The following TMEM183A variants were observed in gnomAD, a reference collection of about 807,000 sequenced individuals.
The protein encoded by TMEM183A is chromosome 1 open reading frame 37.
In TMEM183A, 21 loss-of-function variants were observed where a neutral mutation model predicts 46.7. The ratio of observed to expected loss-of-function variants is 0.45; its 90% CI spans 0.32 to 0.65. The LOEUF (loss-of-function observed/expected upper bound fraction) is 0.65, where lower values mean the gene tolerates loss of function less well. TMEM183A is among the 30% of genes least tolerant of loss of function. The pLI is 0.04. For synonymous variants in TMEM183A, 165 were observed against 180.2 expected (o/e 0.92, Z 0.68); for missense variants, 331 against 481.9 (o/e 0.69, Z 2.93).
At chr1:203,018,428 T>C in intron 5 of TMEM183A, 53 bp from the exon 6 acceptor site, 1 of 1,572,736 alleles carries the variant, frequency 6.4e-7, no homozygotes, top group Non-Finnish European at 8.6e-7. Context: ...TAGTGTATTT[T>C]GATTTTTTTC....
intron 5 of TMEM183A, chr1:203,017,667 C>A: frequency 1.1e-6 from 1 of 910,572 alleles, no homozygotes; most frequent in Non-Finnish European, 1.3e-6. Context: ...GCGTGGCATT[C>A]AGGGAGTTGC....
chr1:203,015,638 G>T, intron 4 of TMEM183A: 1 of 261,328 alleles, frequency 3.8e-6, no homozygotes, highest in South Asian at 6.3e-5. Flanking sequence ...GGAGAACCTG[G>T]TGGCTCTTCG....
chr1:203,020,816 T>A lies in TMEM183A; in HGVS notation c.813T>A (p.Cys271Ter). ...KKQSPRLKSK[C>*]TGGLQPPVQY... Reference sequence around the variant, plus strand: ...AGTCCCCTAGGTTAAAGAGCAAGTGTACAGGAGGATTGCAGCCTCCCGTTC... The same window carrying A: ...AGTCCCCTAGGTTAAAGAGCAAGTGAACAGGAGGATTGCAGCCTCCCGTTC... Residue 271 changes from cysteine to a stop codon, truncating the protein, a stop_gained, in exon 7 of 8, where the codon TGT becomes TGA. Coordinates refer to ENST00000367242, the MANE Select transcript of TMEM183A (RefSeq NM_138391.6). LOFTEE classifies it high-confidence loss of function. 1 of 1,614,010 alleles carries A rather than the reference T, an allele frequency of 6.2e-7. No individual in the cohort carries two copies. Among genetic ancestry groups the A allele is most frequent in the Non-Finnish European group, 8.5e-7 (1 of 1,179,932 alleles).
intron 4 of TMEM183A, chr1:203,015,702 A>G (rs1218267919): frequency 8.4e-6 from 4 of 473,624 alleles, no homozygotes; most frequent in African/African-American, 2.0e-5. Context: ...AGCATAATAT[A>G]CCGATACCAA....
Position 203,024,134 on chromosome 1 carries a change from A to T in TMEM183A, c.*1094A>T, listed in dbSNP as rs1215943265. On this transcript the variant is annotated 3_prime_UTR_variant, in exon 8 of 8. Coordinates refer to ENST00000367242, the MANE Select transcript of TMEM183A (RefSeq NM_138391.6). ...ATTAACAAAATGCATTGCATGTTGA[A>T]ACCAGCCTCTTGAACCATAAGCACT... is the stretch of plus-strand genomic sequence containing the variant. 6.6e-6 allele frequency: 1 copy of T among 152,230 alleles called. No homozygotes were observed. The highest frequency in any genetic ancestry group is 1.5e-5 in the Non-Finnish European group (1 of 68,050). The allele number at this position is 152,230 out of a possible 1,614,324, so 9.4% of individuals were successfully genotyped here.
chr1:203,013,443 C>T lies in TMEM183A; in HGVS notation c.368-1446C>T, dbSNP rs1180072216. 6.6e-6 allele frequency among the ~76,000 whole-genome samples: 1 copy of T among 151,700 alleles called. No homozygotes were observed. Among genetic ancestry groups the T allele is most frequent in the Non-Finnish European group, 1.5e-5 (1 of 67,974 alleles). ...TGAGAAGTATAGTGGACATCAAGGT[C>T]AAGAGAATTAATGCTAATGAGTTCT... On this transcript the variant is annotated intron_variant, in intron 3 of 7. Coordinates refer to ENST00000367242, the MANE Select transcript of TMEM183A (RefSeq NM_138391.6). The surrounding 1 kb of genome is among the most constrained non-coding windows in gnomAD (Gnocchi z 4.0).
In TMEM183A at chr1:203,020,670, A is replaced by T. The variant is rs912700983; in HGVS notation, c.790-123A>T. 7 of 1,230,894 alleles carry T rather than the reference A, an allele frequency of 5.7e-6. No individual in the cohort carries two copies. In the African/African-American group the frequency reaches 1.1e-4, roughly 19 times the overall value. 76.2% of individuals were successfully genotyped at this position (1,230,894 alleles called of 1,614,324 possible). On this transcript the variant is annotated intron_variant, in intron 6 of 7. Coordinates refer to ENST00000367242, the MANE Select transcript of TMEM183A (RefSeq NM_138391.6). The stretch of plus-strand genomic sequence containing the variant: ...TTGATCTCTGTATAGAAACATGTAT[A>T]AAGAGAGAAGATAAAAGTGTATCTC...
chr1:203,007,778 C>G lies in TMEM183A; in HGVS notation c.114C>G (p.Thr38=), dbSNP rs751971162. The G allele has an allele frequency of 6.2e-7, 1 of 1,613,948 alleles. No homozygotes were observed. The highest frequency in any genetic ancestry group is 2.2e-5 in the East Asian group (1 of 44,884). ...RAHDACSGRV[T]VADYANSDPA... is the part of the protein sequence containing the mutation. ...AGGGTTGGTGCTGTGTTGCAGTGAC[C>G]GTGGCGGATTACGCCAACTCGGATC... The change falls in exon 2 of 8, where the codon ACC becomes ACG. Residue 38 remains threonine, a synonymous_variant. Coordinates refer to ENST00000367242, the MANE Select transcript of TMEM183A (RefSeq NM_138391.6).
At chr1:203,010,459 T>G (rs1656460311) in intron 3 of TMEM183A, among the ~76,000 whole-genome samples, 1 of 152,134 alleles carries the variant, frequency 6.6e-6, no homozygotes, top group Non-Finnish European at 1.5e-5. Flanking sequence ...GGATTTCTGA[T>G]TTTCGATTAG....
In TMEM183A at chr1:203,007,754, G is replaced by C; in HGVS notation, c.110-20G>C. On this transcript the variant is annotated intron_variant, in intron 1 of 7. Transcript: ENST00000367242. ...TGACGAGAGAAGGCCTCTTCCTTGA[G>C]GGTTGGTGCTGTGTTGCAGTGACCG... 2 of 1,613,690 alleles carry C rather than the reference G, an allele frequency of 1.2e-6. No individual in the cohort carries two copies. The highest frequency in any genetic ancestry group is 1.7e-6 in the Non-Finnish European group (2 of 1,179,622).
At chr1:203,011,953 C>T (rs1317478085) in intron 3 of TMEM183A, among the ~76,000 whole-genome samples, 1 of 146,312 alleles carries the variant, frequency 6.8e-6, no homozygotes, top group Non-Finnish European at 1.5e-5. Flanking sequence ...TTTTAAAAGC[C>T]TTTTTTTTAA....
chr1:203,019,020 A>G (rs1657427136), intron 6 of TMEM183A, among the ~76,000 whole-genome samples: 1 of 152,210 alleles, frequency 6.6e-6, no homozygotes, highest in Non-Finnish European at 1.5e-5. Context: ...CATTCAAATC[A>G]TAACACTAGG....
rs571393849 is a variant in TMEM183A, at chr1:203,007,417, C to A, written c.-49C>A. ...CTCCGGTGTGGGATGGCCGCGGAGCCGGGCGGAGCTGGCTTGCGGCTCCCG... is the reference window on the plus strand; with the variant it reads ...CTCCGGTGTGGGATGGCCGCGGAGCAGGGCGGAGCTGGCTTGCGGCTCCCG... On this transcript the variant is annotated 5_prime_UTR_variant, in exon 1 of 8. Coordinates refer to ENST00000367242, the MANE Select transcript of TMEM183A (RefSeq NM_138391.6). 6 of 1,355,494 alleles carry A rather than the reference C, an allele frequency of 4.4e-6. No homozygotes were observed. The highest frequency in any genetic ancestry group is 5.7e-6 in the Non-Finnish European group (6 of 1,052,886). 84.0% of individuals were successfully genotyped at this position (1,355,494 alleles called of 1,614,324 possible). A position where few individuals can be genotyped will look rare whatever the true frequency, so the allele number is the denominator to read the frequency against.
rs1553249434 is a variant in TMEM183A at position 203,012,148 on chromosome 1, T to TCTCA, written c.368-2740_368-2739insTCAC. ...ACTTCAACCATTACCCCCCACTCCATCACACACACACACACACACACACAC... is the reference window on the plus strand; with the variant it reads ...ACTTCAACCATTACCCCCCACTCCATCTCACACACACACACACACACACACACAC... On this transcript the variant is annotated intron_variant, in intron 3 of 7. Transcript: ENST00000367242. Among the ~76,000 whole-genome samples the TCTCA allele has an allele frequency of 1.4e-3, 109 of 79,458 alleles. 11 individuals are homozygous for TCTCA. The highest frequency in any genetic ancestry group is 7.9e-3 in the Middle Eastern group (1 of 126). The allele number at this position is 79,458 out of a possible 152,430, so 52.1% of individuals were successfully genotyped here. A position where few individuals can be genotyped will look rare whatever the true frequency, so the allele number is the denominator to read the frequency against.
At chr1:203,020,660 A>G (rs759429607) in intron 6 of TMEM183A, 133 bp from the exon 7 acceptor site, 295 of 1,139,464 alleles carry the variant, frequency 2.6e-4, no homozygotes, top group South Asian at 9.6e-4. Flanking sequence ...CTCTGTATAG[A>G]AACATGTATA....
chr1:203,020,582 A>G (rs921608339), intron 6 of TMEM183A, among the ~76,000 whole-genome samples: 2 of 152,212 alleles, frequency 1.3e-5, no homozygotes, highest in African/African-American at 4.8e-5. Context: ...AACGAAGCAT[A>G]AACCCATTGC....
chr1:203,007,862 A>C lies in TMEM183A; in HGVS notation c.198A>C (p.Glu66Asp). 6.2e-7 allele frequency: 1 copy of C among 1,614,084 alleles called. No homozygotes were observed. Among genetic ancestry groups the C allele is most frequent in the South Asian group, 1.1e-5 (1 of 91,078 alleles). Residue 66 changes from glutamate to aspartate, a missense_variant and splice_region_variant, in exon 2 of 8, where the codon GAA becomes GAC. Physicochemically the swap from Glu to Asp is conservative, Grantham distance 45 (BLOSUM62 2). Coordinates refer to ENST00000367242, the MANE Select transcript of TMEM183A (RefSeq NM_138391.6). ...KKAVANAVQQ[E>D]VKSLCGLEAS... ...CCGTAGCCAACGCTGTTCAGCAGGA[A>C]GGTAAGCTTTGCGCGAGCCTTTAAA...
rs1176105825 is a variant in TMEM183A at position 203,024,279 on chromosome 1, A to G, written c.*1239A>G. On this transcript the variant is annotated 3_prime_UTR_variant, in exon 8 of 8. Coordinates refer to ENST00000367242, the MANE Select transcript of TMEM183A (RefSeq NM_138391.6). Reference sequence around the variant, plus strand: ...TCCTCCTGTTGTTTAGATGACTCCTATTGTTCAGGTGTACTCTGAGAAGAG... The same window carrying G: ...TCCTCCTGTTGTTTAGATGACTCCTGTTGTTCAGGTGTACTCTGAGAAGAG... The G allele has an allele frequency of 2.0e-5, 3 of 152,186 alleles. No individual in the cohort carries two copies. Among genetic ancestry groups the G allele is most frequent in the African/African-American group, 4.8e-5 (2 of 41,522 alleles). The allele number at this position is 152,186 out of a possible 1,614,324, so 9.4% of individuals were successfully genotyped here. A position where few individuals can be genotyped will look rare whatever the true frequency, so the allele number is the denominator to read the frequency against.
intron 6 of TMEM183A, among the ~76,000 whole-genome samples, chr1:203,020,331 A>T (rs1038984997): frequency 6.6e-6 from 1 of 152,224 alleles, no homozygotes; most frequent in Non-Finnish European, 1.5e-5. Flanking sequence ...CTAGAAGCAG[A>T]CACTAGGATT....
Sources: allele counts gnomAD v4.1 joint callset (sites outside exome capture counted in the v4.1 genomes callset), GRCh38; gene constraint gnomAD v4.1.1; non-coding constraint Gnocchi (gnomAD v3.1); transcripts MANE v1.5; gene names NCBI Gene and HGNC (gene_info 2026-07-23, HGNC 2026-07-21).